The following CTTNBP2 variants were observed in gnomAD, a reference collection of about 807,000 sequenced individuals.
CTTNBP2 encodes the protein cortactin-binding protein 2.
CTTNBP2 carries 108 observed loss-of-function variants against 156.9 expected under a neutral mutation model. The observed-to-expected ratio is 0.69, with a 90% CI of 0.59 to 0.81. The LOEUF is 0.81. Among genes scored for constraint, CTTNBP2 ranks in the 30% least tolerant of loss-of-function variants. CTTNBP2 has a pLI of 0.00. For synonymous variants in CTTNBP2, 767 were observed against 751.8 expected, an observed-to-expected ratio of 1.02 and a Z score of -0.33; for missense variants, 1,924 against 2,035.4, an observed-to-expected ratio of 0.95 and a Z score of 1.05.
chr7:117,745,824 TTC>T lies in CTTNBP2; in HGVS notation c.3535+5_3535+6del. 1.2e-6 allele frequency: 2 copies of T among 1,603,050 alleles called. No homozygotes were observed. The highest frequency in any genetic ancestry group is 1.7e-6 in the Non-Finnish European group (2 of 1,169,982). ...TTATCACAGGCAATTTGCTGAAATG[TTC>T]TTACCGCTACTAATGAACAGGTCTA... On this transcript the variant is annotated splice_donor_5th_base_variant and intron_variant, in intron 14 of 22. Transcript: ENST00000160373.
At chr7:117,835,731 G>A (rs113632256) in intron 2 of CTTNBP2, among the ~76,000 whole-genome samples, 67 of 152,280 alleles carry the variant, frequency 4.4e-4, no homozygotes, top group African/African-American at 1.5e-3. Flanking sequence ...GGGTCTGGTC[G>A]TGCATCTGGA....
chr7:117,827,015 C>T (rs1801329846), intron 2 of CTTNBP2, among the ~76,000 whole-genome samples: 1 of 152,000 alleles, frequency 6.6e-6, no homozygotes, highest in Non-Finnish European at 1.5e-5. Context: ...CATGCCACTG[C>T]ACCCAGCTAA....
chr7:117,714,082 A>G (rs1794210152), intron 22 of CTTNBP2: 1 of 152,234 alleles, frequency 6.6e-6, no homozygotes, highest in Non-Finnish European at 1.5e-5. Flanking sequence ...GAGGGAACAC[A>G]TCCTAGTCCA....
At chr7:117,817,203 G>A (rs181904782) in intron 2 of CTTNBP2, among the ~76,000 whole-genome samples, 3,976 of 150,618 alleles carry the variant, frequency 0.026, 87 homozygotes, top group South Asian at 0.049. Context: ...GTGTGGTGGT[G>A]GGTGCCTGTA....
At chr7:117,717,945 C>A in intron 22 of CTTNBP2, 73 bp downstream of exon 22, 1 of 944,936 alleles carries the variant, frequency 1.1e-6, no homozygotes, top group South Asian at 1.4e-5. Flanking sequence ...GTGATTCACA[C>A]TGAAAGATGA....
chr7:117,732,469 T>C lies in CTTNBP2; in HGVS notation c.3876+2444A>G, dbSNP rs371933183. Among the ~76,000 whole-genome samples the C allele has an allele frequency of 2.0e-4, 29 of 145,590 alleles. No homozygotes were observed. The South Asian group carries it at 5.9e-3, about 29-fold the overall frequency. Reference sequence around the variant, plus strand: ...ATCGAGACCATCCTGGCTAACATGGTGAAACCCCGTCTCTACTGAAAATAC... The same window carrying C: ...ATCGAGACCATCCTGGCTAACATGGCGAAACCCCGTCTCTACTGAAAATAC... On this transcript the variant is annotated intron_variant, in intron 16 of 22. Coordinates refer to ENST00000160373, the MANE Select transcript of CTTNBP2 (RefSeq NM_033427.3).
chr7:117,858,816 T>C (rs1803506721), intron 2 of CTTNBP2, among the ~76,000 whole-genome samples: 1 of 152,168 alleles, frequency 6.6e-6, no homozygotes, highest in South Asian at 2.1e-4. Flanking sequence ...TTTCCAGGGA[T>C]TCAACTCCTG....
intron 22 of CTTNBP2, chr7:117,713,618 CACTA>C (rs1348146395): frequency 1.3e-5 from 2 of 152,182 alleles, no homozygotes; most frequent in African/African-American, 4.8e-5. Context: ...GATAAGTCCT[CACTA>C]ACTGGCATGT....
chr7:117,731,736 A>T (rs1453606063), intron 16 of CTTNBP2, among the ~76,000 whole-genome samples: 2 of 152,230 alleles, frequency 1.3e-5, no homozygotes, highest in African/African-American at 4.8e-5. Flanking sequence ...CTGATAACAA[A>T]AAAGGAAGTC....
At position 117,711,166 on chromosome 7, in the gene CTTNBP2, T is replaced by G. The variant is rs1324180010; in HGVS notation, c.*371A>C. ...TTTTGCTACTTTTTTGTAGCATGTA[T>G]GCAGTATGATTTCTGGACTTCCTTA... On this transcript the variant is annotated 3_prime_UTR_variant, in exon 23 of 23. Coordinates refer to ENST00000160373, the MANE Select transcript of CTTNBP2 (RefSeq NM_033427.3). 6.3e-6 allele frequency: 1 copy of G among 157,942 alleles called. No individual in the cohort carries two copies. The highest frequency in any genetic ancestry group is 1.4e-5 in the Non-Finnish European group (1 of 71,556). 9.8% of individuals were successfully genotyped at this position (157,942 alleles called of 1,614,324 possible).
intron 16 of CTTNBP2, among the ~76,000 whole-genome samples, 191 bp from the exon 17 acceptor site, chr7:117,728,458 C>T (rs923713956): frequency 1.5e-4 from 23 of 152,168 alleles, no homozygotes; most frequent in Non-Finnish European, 3.2e-4. Context: ...GTGTGATAAG[C>T]ATTTTTCTCC....
chr7:117,834,435 CAG>C (rs1801803506), intron 2 of CTTNBP2, among the ~76,000 whole-genome samples: 1 of 152,204 alleles, frequency 6.6e-6, no homozygotes, highest in Non-Finnish European at 1.5e-5. Flanking sequence ...CTGCAACAAA[CAG>C]AGAAGACAAT....
intron 2 of CTTNBP2, among the ~76,000 whole-genome samples, chr7:117,832,650 C>G (rs754994873): frequency 2.7e-5 from 4 of 150,898 alleles, no homozygotes; most frequent in South Asian, 2.1e-4. Flanking sequence ...ATATCACTGA[C>G]TAGGGAGAGA....
rs1263359550 is a variant in CTTNBP2 at position 117,777,564 on chromosome 7, C to T, written c.2725G>A (p.Ala909Thr). 3.7e-6 allele frequency: 6 copies of T among 1,613,746 alleles called. No homozygotes were observed. The highest frequency in any genetic ancestry group is 1.7e-4 in the Middle Eastern group (1 of 5,982). Residue 909 changes from alanine (A) to threonine (T), a missense_variant, in exon 8 of 23, where the codon GCC becomes ACC. Coordinates refer to ENST00000160373, the MANE Select transcript of CTTNBP2 (RefSeq NM_033427.3). ...PVVPADLINH[A>T]NREGWTAAHI... ...GCAGCAGTCCAGCCTTCTCTGTTGG[C>T]GTGGTTAATGAGGTCTGCAGGAACA...
In CTTNBP2 at chr7:117,791,013, TGGGG is replaced by T. The variant is rs1458000184; in HGVS notation, c.2068+111_2068+114del. 4 of 744,060 alleles carry T rather than the reference TGGGG, an allele frequency of 5.4e-6. No individual in the cohort carries two copies. In the East Asian group the frequency reaches 8.1e-5, roughly 15 times the overall value. The allele number at this position is 744,060 out of a possible 1,614,324, so 46.1% of individuals were successfully genotyped here. A position where few individuals can be genotyped will look rare whatever the true frequency, so the allele number is the denominator to read the frequency against. On this transcript the variant is annotated intron_variant, in intron 4 of 22. Transcript: ENST00000160373. ...GAGAGAGAAAGAAAAGAAATGGGGGTGGGGGGAAGCATCAAATTTAAAAAAAAAG... is the reference window on the plus strand; with the variant it reads ...GAGAGAGAAAGAAAAGAAATGGGGGTGGAAGCATCAAATTTAAAAAAAAAG...
intron 2 of CTTNBP2, among the ~76,000 whole-genome samples, chr7:117,854,784 A>C (rs1332515797): frequency 6.9e-6 from 1 of 144,856 alleles, no homozygotes; most frequent in Non-Finnish European, 1.6e-5. Context: ...TAATTAATTA[A>C]TTTATTTATT....
At chr7:117,718,274 CAAGTCTTAATGTAA>C (rs1214652684) in intron 21 of CTTNBP2, among the ~76,000 whole-genome samples, 155 bp from the exon 22 acceptor site, 1 of 152,056 alleles carries the variant, frequency 6.6e-6, no homozygotes, top group Non-Finnish European at 1.5e-5. Flanking sequence ...AGAAAGACTT[CAAGTCTTAATGTAA>C]AACTGACAGC....
At position 117,791,620 on chromosome 7, in the gene CTTNBP2, G is replaced by C; in HGVS notation, c.1576C>G (p.Arg526Gly). Residue 526 changes from arginine to glycine, a missense_variant, in exon 4 of 23, where the codon CGG (arginine) becomes GGG (glycine). Arg to Gly is a moderately radical substitution (Grantham distance 125). Transcript: ENST00000160373. ...GDVGTHPPVG[R>G]TSLKTHGVAR... ...ACACCATGAGTCTTTAAACTGGTCCGACCAACTGGAGGGTGGGTGCCAACA... is the reference window on the plus strand; with the variant it reads ...ACACCATGAGTCTTTAAACTGGTCCCACCAACTGGAGGGTGGGTGCCAACA... The C allele has an allele frequency of 6.2e-7, 1 of 1,614,066 alleles. No individual in the cohort carries two copies. Among genetic ancestry groups the C allele is most frequent in the Non-Finnish European group, 8.5e-7 (1 of 1,180,012 alleles).
At chr7:117,829,005 AT>A (rs962987359) in intron 2 of CTTNBP2, among the ~76,000 whole-genome samples, 1 of 152,218 alleles carries the variant, frequency 6.6e-6, no homozygotes, top group Admixed American at 6.5e-5. Context: ...GCTGTGGTCA[AT>A]TTCTGAAAAG....
Sources: allele counts gnomAD v4.1 joint callset (sites outside exome capture counted in the v4.1 genomes callset), GRCh38; gene constraint gnomAD v4.1.1; transcripts MANE v1.5; gene names NCBI Gene and HGNC (gene_info 2026-07-23, HGNC 2026-07-21).